The following PLCB1 variants were observed in gnomAD, a reference collection of about 807,000 sequenced individuals.
PLCB1 encodes phospholipase C beta 1.
PLCB1 carries 46 observed loss-of-function variants against 161.8 expected under a neutral mutation model. That is an observed-to-expected ratio of 0.28 (90% CI 0.22 to 0.36). The LOEUF (loss-of-function observed/expected upper bound fraction) is 0.36, where lower values mean the gene tolerates loss of function less well. Ranked by LOEUF, PLCB1 falls within the 10% of genes least tolerant of loss-of-function variation. The pLI, the probability that PLCB1 is intolerant of heterozygous loss-of-function variation, is 1.00. For synonymous variants in PLCB1, 517 were observed against 503.7 expected (o/e 1.03, Z -0.35); for missense variants, 1,016 against 1,472.5 (o/e 0.69, Z 5.07).
At chr20:8,278,358 A>C (rs1379570689) in intron 2 of PLCB1, among the ~76,000 whole-genome samples, 1 of 108,560 alleles carries the variant, frequency 9.2e-6, no homozygotes, top group Admixed American at 1.0e-4. Flanking sequence ...TATTATGTAT[A>C]TATATATATT....
At chr20:8,523,496 C>CTCTCTCTCTCTCTATATA in intron 3 of PLCB1, among the ~76,000 whole-genome samples, 28 of 51,652 alleles carry the variant, frequency 5.4e-4, no homozygotes, top group East Asian at 1.6e-3. Context: ...CTCTCTCTCT[C>CTCTCTCTCTCTCTATATA]TATATATATA....
At chr20:8,428,178 G>T (rs58734769) in intron 3 of PLCB1, among the ~76,000 whole-genome samples, 1 of 151,386 alleles carries the variant, frequency 6.6e-6, no homozygotes, top group East Asian at 1.9e-4. Context: ...AATAAAAAAA[G>T]AAAAGAAAAA....
At chr20:8,363,472 C>T (rs1010616647) in intron 2 of PLCB1, among the ~76,000 whole-genome samples, 7 of 152,142 alleles carry the variant, frequency 4.6e-5, no homozygotes, top group African/African-American at 1.7e-4. Flanking sequence ...TCTGCTGCTT[C>T]AAGTCTCTTG....
chr20:8,389,718 A>G (rs1324666233), intron 3 of PLCB1, among the ~76,000 whole-genome samples: 1 of 152,190 alleles, frequency 6.6e-6, no homozygotes, highest in Admixed American at 6.5e-5. Context: ...TTAATTCTAC[A>G]TAGTGAACTG....
At chr20:8,829,583 C>G (rs1362123720) in intron 31 of PLCB1, among the ~76,000 whole-genome samples, 1 of 152,200 alleles carries the variant, frequency 6.6e-6, no homozygotes, top group Admixed American at 6.5e-5. Context: ...TGCTTCAGTA[C>G]AGAATGCCCT....
At chr20:8,154,248 C>T (rs753883258) in intron 2 of PLCB1, among the ~76,000 whole-genome samples, 1 of 152,106 alleles carries the variant, frequency 6.6e-6, no homozygotes, top group African/African-American at 2.4e-5. Flanking sequence ...ATTGGCCTAT[C>T]TTAGGGAATT....
chr20:8,620,366 T>G (rs1414156251), intron 3 of PLCB1, among the ~76,000 whole-genome samples: 2 of 152,098 alleles, frequency 1.3e-5, no homozygotes, highest in African/African-American at 4.8e-5. Context: ...TTTGGAAAAC[T>G]GAGGCACAGA....
At position 8,881,220 on chromosome 20, in the gene PLCB1, T is replaced by C. The variant is rs554555267; in HGVS notation, c.3424-402T>C. 9.9e-5 allele frequency among the ~76,000 whole-genome samples: 15 copies of C among 152,028 alleles called. 1 individual carries two copies. In the South Asian group the frequency reaches 3.1e-3, roughly 32 times the overall value. ...TCACCCCATGCTGGTCTTAAACTCC[T>C]GACCTCAAGCAATCGCAATCAACCT... is the stretch of plus-strand genomic sequence containing the variant. On this transcript the variant is annotated intron_variant, in intron 31 of 31. Coordinates refer to ENST00000338037, the MANE Select transcript of PLCB1 (RefSeq NM_015192.4).
intron 3 of PLCB1, among the ~76,000 whole-genome samples, chr20:8,466,207 A>G (rs1484077526): frequency 6.6e-6 from 1 of 151,954 alleles, no homozygotes; most frequent in Non-Finnish European, 1.5e-5. Context: ...CATCATTCTC[A>G]GTAAACTATC....
At chr20:8,202,481 G>A (rs1158120893) in intron 2 of PLCB1, among the ~76,000 whole-genome samples, 1 of 152,212 alleles carries the variant, frequency 6.6e-6, no homozygotes, top group African/African-American at 2.4e-5. Flanking sequence ...ACACACATAT[G>A]TGGGCACTTT....
In PLCB1 at chr20:8,721,338, C is replaced by G. The variant is rs76468971; in HGVS notation, c.1514-1016C>G. On this transcript the variant is annotated intron_variant, in intron 14 of 31. Transcript: ENST00000338037. ...CATCGTGCTATTGCATTGTGTGAGCCCTGAAAGATAGTAGTTAAATCAATT... is the reference window on the plus strand; with the variant it reads ...CATCGTGCTATTGCATTGTGTGAGCGCTGAAAGATAGTAGTTAAATCAATT... Among the ~76,000 whole-genome samples, 809 of 152,138 alleles carry G rather than the reference C, an allele frequency of 5.3e-3. 8 individuals are homozygous for G. The highest frequency in any genetic ancestry group is 0.019 in the African/African-American group (769 of 41,488).
chr20:8,501,864 C>CATAT (rs36226867), intron 3 of PLCB1, among the ~76,000 whole-genome samples: 103 of 104,628 alleles, frequency 9.8e-4, no homozygotes, highest in East Asian at 1.5e-3. Flanking sequence ...AGATATATCG[C>CATAT]ATATATATAT....
At chr20:8,765,694 A>G (rs1191354467) in intron 26 of PLCB1, among the ~76,000 whole-genome samples, 1 of 147,946 alleles carries the variant, frequency 6.8e-6, no homozygotes, top group Non-Finnish European at 1.5e-5. Context: ...GAGGCAGCTG[A>G]TTTTTTTTTT....
intron 2 of PLCB1, among the ~76,000 whole-genome samples, chr20:8,260,245 ATT>A (rs55691846): frequency 9.0e-5 from 12 of 133,508 alleles, no homozygotes; most frequent in African/African-American, 3.0e-4. Context: ...AGCACCCAGC[ATT>A]TTTTTTTTTT....
chr20:8,708,643 T>G (rs764494991), intron 11 of PLCB1, 27 bp from the exon 12 acceptor site: 8 of 1,440,048 alleles, frequency 5.6e-6, no homozygotes, highest in African/African-American at 1.4e-5. Flanking sequence ...TCTGGCATAC[T>G]GAATATACAT....
intron 3 of PLCB1, among the ~76,000 whole-genome samples, chr20:8,548,206 TTTCCTTCC>T (rs71183098): frequency 4.6e-4 from 66 of 142,996 alleles, no homozygotes; most frequent in African/African-American, 1.1e-3. Context: ...TCCCATTTTC[TTTCCTTCC>T]TTCCTTCCTT....
chr20:8,378,006 T>G (rs1987144934), intron 3 of PLCB1, among the ~76,000 whole-genome samples: 1 of 152,090 alleles, frequency 6.6e-6, no homozygotes, highest in South Asian at 2.1e-4. Flanking sequence ...TTGCCAGCAT[T>G]TAGACTTTGA....
intron 14 of PLCB1, among the ~76,000 whole-genome samples, chr20:8,720,900 A>G (rs1979593634): frequency 6.6e-6 from 1 of 151,886 alleles, no homozygotes; most frequent in Admixed American, 6.6e-5. Context: ...AAATTTCATT[A>G]TAAAAATGCT....
chr20:8,830,292 T>C (rs1985920774), intron 31 of PLCB1, among the ~76,000 whole-genome samples: 1 of 152,128 alleles, frequency 6.6e-6, no homozygotes, highest in Non-Finnish European at 1.5e-5. Context: ...GAAACCATAA[T>C]GGGGCCAGAG....
Sources: allele counts gnomAD v4.1 joint callset (sites outside exome capture counted in the v4.1 genomes callset), GRCh38; gene constraint gnomAD v4.1.1; transcripts MANE v1.5; gene names NCBI Gene and HGNC (gene_info 2026-07-23, HGNC 2026-07-21).